Variants in NSDHL observed in about 807,000 individuals in gnomAD.
The protein encoded by NSDHL is NAD(P) dependent 3-beta-hydroxysteroid dehydrogenase NSDHL.
Under a neutral mutation model 23.0 loss-of-function variants are expected in NSDHL, and 1 was observed. The observed-to-expected ratio is 0.04, with a 90% CI of 0.02 to 0.21. The LOEUF (loss-of-function observed/expected upper bound fraction) is 0.21. NSDHL is among the 10% of genes least tolerant of loss of function. The probability of loss-of-function intolerance (pLI) is 1.00; values close to 1 mark genes in which losing one functional copy is unlikely to be tolerated. For missense variants in NSDHL, 237 were observed against 300.9 expected (o/e 0.79, Z 1.57); for synonymous variants, 128 against 121.1 (o/e 1.06, Z -0.37).
In NSDHL at chrX:152,865,949, A is replaced by G. The variant is rs782545895; in HGVS notation, c.674A>G (p.Lys225Arg). The change falls in exon 6 of 8, where the codon AAG (lysine) becomes AGG (arginine). Residue 225 changes from lysine to arginine, a missense_variant. Physicochemically the swap from Lys to Arg is conservative, Grantham distance 26. This residue lies in a region of NSDHL where 39 missense variants were observed against 98.1 expected (regional missense o/e 0.40). Transcript: ENST00000370274. Reference sequence around the variant, plus strand: ...GAGGCAGCCAGGAACGGCAAGATGAAGTTCGTGATTGGGTGAGTCAGCCCA... The same window carrying G: ...GAGGCAGCCAGGAACGGCAAGATGAGGTTCGTGATTGGGTGAGTCAGCCCA... ...LIEAARNGKM[K>R]FVIGNGKNLV... is the part of the protein sequence containing the mutation. The G allele has an allele frequency of 8.2e-7, 1 of 1,212,235 alleles. No individual in the cohort carries two copies. The highest frequency in any genetic ancestry group is 2.2e-5 in the Admixed American group (1 of 46,138).
chrX:152,852,528 A>G (rs894771829), intron 3 of NSDHL, among the ~76,000 whole-genome samples: 1 of 26,705 alleles, frequency 3.7e-5, no homozygotes, highest in Non-Finnish European at 8.5e-5. Context: ...CAACACCTAC[A>G]CTGTTTAATG....
At chrX:152,863,661 G>A (rs1303305022) in intron 5 of NSDHL, among the ~76,000 whole-genome samples, 2 of 112,735 alleles carry the variant, frequency 1.8e-5, no homozygotes, top group African/African-American at 6.4e-5. Context: ...CTGGGGCTGT[G>A]GGGCCCCTGA....
rs782385964 is a variant in NSDHL, at chrX:152,854,558, C to T, written c.267+4135C>T. Among the ~76,000 whole-genome samples, 10 of 109,666 alleles carry T rather than the reference C, an allele frequency of 9.1e-5. No homozygotes were observed. The South Asian group carries it at 3.2e-3, about 35-fold the overall frequency. ...CCTAATAGCTGGGATTATAGGTGCC[C>T]ACCGCCACACCCGGCTAATTTTTGT... On this transcript the variant is annotated intron_variant, in intron 3 of 7. Coordinates refer to ENST00000370274, the MANE Select transcript of NSDHL (RefSeq NM_015922.3).
At chrX:152,867,797 C>A in intron 7 of NSDHL, 124 bp downstream of exon 7, 2 of 550,695 alleles carry the variant, frequency 3.6e-6, no homozygotes, top group South Asian at 5.0e-5. Context: ...TTAGGACCCC[C>A]TGTGCCAAGA....
intron 1 of NSDHL, among the ~76,000 whole-genome samples, chrX:152,843,584 C>G (rs1346349936): frequency 1.8e-5 from 2 of 112,017 alleles, no homozygotes; most frequent in Non-Finnish European, 3.8e-5. Flanking sequence ...CCCTGCCTTT[C>G]CCCTCTGTAT....
intron 3 of NSDHL, among the ~76,000 whole-genome samples, chrX:152,856,522 A>G (rs1277235992): frequency 1.8e-5 from 2 of 111,142 alleles, no homozygotes; most frequent in African/African-American, 3.3e-5. Flanking sequence ...TTGGGTTTCT[A>G]TATACCATTT....
intron 2 of NSDHL, 58 bp downstream of exon 2, chrX:152,846,490 A>G: frequency 1.1e-5 from 9 of 784,686 alleles, no homozygotes; most frequent in African/African-American, 2.0e-5. Context: ...CCTGTGGGTG[A>G]AAAATTGTAT....
intron 1 of NSDHL, among the ~76,000 whole-genome samples, chrX:152,842,832 C>A (rs1476847913): frequency 8.9e-6 from 1 of 112,170 alleles, no homozygotes; most frequent in East Asian, 2.8e-4. Context: ...GCTTTTTAGC[C>A]ATCTTTAAAG....
At chrX:152,849,790 A>G (rs782505058) in intron 2 of NSDHL, among the ~76,000 whole-genome samples, 2 of 113,002 alleles carry the variant, frequency 1.8e-5, no homozygotes, top group Admixed American at 9.3e-5. Context: ...TCCTGCAAGT[A>G]TGGAGACTGC....
intron 1 of NSDHL, among the ~76,000 whole-genome samples, chrX:152,844,870 C>G (rs1933246991): frequency 8.9e-6 from 1 of 111,864 alleles, no homozygotes; most frequent in Non-Finnish European, 1.9e-5. Context: ...TGCCAAAATC[C>G]TTGTTCTCTA....
At chrX:152,843,036 ATC>A (rs1298665628) in intron 1 of NSDHL, among the ~76,000 whole-genome samples, 1 of 112,113 alleles carries the variant, frequency 8.9e-6, no homozygotes, top group East Asian at 2.8e-4. Flanking sequence ...CAAAATTCTT[ATC>A]TGACTCATAG....
chrX:152,831,195 G>A, intron 1 of NSDHL, 78 bp downstream of exon 1: 2 of 298,001 alleles, frequency 6.7e-6, no homozygotes, highest in Non-Finnish European at 1.2e-5. Flanking sequence ...GAGCTACGGG[G>A]TCGCCCGGGT....
chrX:152,858,888 T>C lies in NSDHL; in HGVS notation c.386T>C (p.Ile129Thr), dbSNP rs1240168813. Reference sequence around the variant, plus strand: ...AATTACATTGGCACCAAGAATGTCATTGAAACTTGCAAAGAGGCTGGGGTT... The same window carrying C: ...AATTACATTGGCACCAAGAATGTCACTGAAACTTGCAAAGAGGCTGGGGTT... ...RVNYIGTKNV[I>T]ETCKEAGVQK... is the part of the protein sequence containing the mutation. The change falls in exon 4 of 8, where the codon ATT becomes ACT. Residue 129 changes from isoleucine to threonine, a missense_variant. Ile to Thr is a moderately conservative substitution (Grantham distance 89, BLOSUM62 -1). Coordinates refer to ENST00000370274, the MANE Select transcript of NSDHL (RefSeq NM_015922.3). 8.3e-7 allele frequency: 1 copy of C among 1,209,293 alleles called. No homozygotes were observed. The highest frequency in any genetic ancestry group is 1.8e-5 in the South Asian group (1 of 56,902).
intron 1 of NSDHL, among the ~76,000 whole-genome samples, chrX:152,842,993 T>C (rs1179188665): frequency 2.7e-5 from 3 of 111,945 alleles, no homozygotes; most frequent in Non-Finnish European, 5.6e-5. Context: ...TAGCTCTGGG[T>C]ACTCCAACCC....
At chrX:152,857,689 A>T (rs1933463596) in intron 3 of NSDHL, among the ~76,000 whole-genome samples, 1 of 112,115 alleles carries the variant, frequency 8.9e-6, no homozygotes, top group South Asian at 3.7e-4. Flanking sequence ...AATTGGGGGA[A>T]TTTGAATATA....
rs182622512 is a variant in NSDHL at position 152,865,724 on chromosome X, C to T, written c.544-95C>T. The T allele has an allele frequency of 3.6e-3, 3,792 of 1,054,435 alleles. 13 individuals carry two copies. Among genetic ancestry groups the T allele is most frequent in the Non-Finnish European group, 4.6e-3 (3,491 of 756,549 alleles). The allele number at this position is 1,054,435 out of a possible 1,213,427, so 86.9% of individuals were successfully genotyped here. A position where few individuals can be genotyped will look rare whatever the true frequency, so the allele number is the denominator to read the frequency against. ...CCAGCAGAGTGTGTCATCTGTCTGT[C>T]CCCCACGAGTGGTGCTTCTCACCCA... On this transcript the variant is annotated intron_variant, in intron 5 of 7. Transcript: ENST00000370274.
At chrX:152,853,537 A>T (rs967064787) in intron 3 of NSDHL, among the ~76,000 whole-genome samples, 14 of 111,516 alleles carry the variant, frequency 1.3e-4, no homozygotes, top group African/African-American at 4.2e-4. Context: ...TAATGGATAA[A>T]TCAGATCACA....
At position 152,846,403 on chromosome X, in the gene NSDHL, G is replaced by A. The variant is rs782710822; in HGVS notation, c.79G>A (p.Ala27Thr). The A allele has an allele frequency of 2.1e-5, 25 of 1,204,580 alleles. No homozygotes were observed. Among genetic ancestry groups the A allele is most frequent in the Non-Finnish European group, 2.8e-5 (25 of 889,727 alleles). Residue 27 changes from alanine (A) to threonine (T), a missense_variant, in exon 2 of 8, where the codon GCT becomes ACT. Ala to Thr is a moderately conservative substitution (Grantham distance 58). This residue lies in a region of NSDHL where 81 missense variants were observed against 103.3 expected (regional missense o/e 0.78). Coordinates refer to ENST00000370274, the MANE Select transcript of NSDHL (RefSeq NM_015922.3). ...HLTEDTPKVN[A>T]DIEKVNQNQA... ...GACAGAGGACACTCCCAAAGTGAAT[G>A]CTGACATAGAAAAGGTTAACCAGAA... is the stretch of plus-strand genomic sequence containing the variant.
At chrX:152,857,023 C>T (rs971036493) in intron 3 of NSDHL, among the ~76,000 whole-genome samples, 22 of 112,123 alleles carry the variant, frequency 2.0e-4, no homozygotes, top group Non-Finnish European at 3.8e-4. Context: ...CCAGCCTTGC[C>T]GACAGAGCGA....
Sources: gnomAD v4.1 joint callset for allele counts (sites outside exome capture counted in the v4.1 genomes callset) on GRCh38, gnomAD v4.1.1 for gene constraint, gnomAD v4.1.1 regional missense constraint, MANE v1.5 for transcripts, NCBI Gene and HGNC (gene_info 2026-07-23, HGNC 2026-07-21) for gene names.